The following SEMA3D variants were observed in gnomAD, a reference collection of about 807,000 sequenced individuals.
SEMA3D encodes the protein semaphorin 3D.
Under a neutral mutation model 100.1 loss-of-function variants are expected in SEMA3D, and 84 were observed. The ratio of observed to expected loss-of-function variants is 0.84; its 90% CI spans 0.70 to 1.01. SEMA3D has a LOEUF of 1.01. SEMA3D is among the 50% of genes least tolerant of loss of function. SEMA3D has a pLI of 0.00. For missense variants in SEMA3D, 875 were observed against 934.1 expected (o/e 0.94, Z 0.82); for synonymous variants, 312 against 320.7 (o/e 0.97, Z 0.29).
chr7:85,138,655 A>AATAT (rs57748241), intron 2 of SEMA3D, among the ~76,000 whole-genome samples: 19 of 144,244 alleles, frequency 1.3e-4, no homozygotes, highest in East Asian at 4.0e-4. Flanking sequence ...TATTTAATTT[A>AATAT]ATATATATAT....
chr7:85,228,876 T>C, the SEMA3D span, among the ~76,000 whole-genome samples: 1 of 152,080 alleles, frequency 6.6e-6, no homozygotes, highest in Non-Finnish European at 1.5e-5. Flanking sequence ...TGTCTCTGTC[T>C]TGTGGCCTGT....
At chr7:85,220,785 A>C in the SEMA3D span, among the ~76,000 whole-genome samples, 2 of 152,164 alleles carry the variant, frequency 1.3e-5, no homozygotes, top group Non-Finnish European at 2.9e-5. Context: ...AGAGAAGGAA[A>C]GGAGCTCTCA....
Position 85,042,151 on chromosome 7 carries a change from GAAGGA to G in SEMA3D, c.976+15_976+19del, listed in dbSNP as rs1562794275. The G allele has an allele frequency of 6.7e-7, 1 of 1,500,216 alleles. No homozygotes were observed. The highest frequency in any genetic ancestry group is 2.3e-5 in the East Asian group (1 of 44,354). The allele number at this position is 1,500,216 out of a possible 1,614,324, so 92.9% of individuals were successfully genotyped here. A position where few individuals can be genotyped will look rare whatever the true frequency, so the allele number is the denominator to read the frequency against. ...TAGGCAGTAAGGCCTTTCCAAGAAA[GAAGGA>G]AAGAAGGAACTTACGAAGCTCATCA... On this transcript the variant is annotated intron_variant, in intron 10 of 18. Coordinates refer to ENST00000284136, the MANE Select transcript of SEMA3D (RefSeq NM_001384900.1).
intron 17 of SEMA3D, among the ~76,000 whole-genome samples, chr7:85,010,256 G>C (rs538075422): frequency 6.6e-6 from 1 of 151,786 alleles, no homozygotes; most frequent in African/African-American, 2.4e-5. Context: ...ATATACTAGC[G>C]ATCAGGTCAA....
the SEMA3D span, among the ~76,000 whole-genome samples, chr7:85,200,707 C>A: frequency 3.3e-5 from 5 of 152,176 alleles, no homozygotes. Context: ...ATGTTAATTG[C>A]CCAAACAATG....
At chr7:85,115,375 T>A (rs1339995915) in intron 3 of SEMA3D, among the ~76,000 whole-genome samples, 2 of 152,186 alleles carry the variant, frequency 1.3e-5, no homozygotes, top group Non-Finnish European at 2.9e-5. Flanking sequence ...TAATTCACAC[T>A]CAGTCCTTAT....
intron 4 of SEMA3D, among the ~76,000 whole-genome samples, chr7:85,097,379 C>A (rs1788591868): frequency 6.6e-6 from 1 of 151,598 alleles, no homozygotes; most frequent in Non-Finnish European, 1.5e-5. Flanking sequence ...GTTATTATAG[C>A]CACATTATCA....
intron 12 of SEMA3D, among the ~76,000 whole-genome samples, chr7:85,032,612 G>A (rs2115924079): frequency 6.6e-6 from 1 of 152,118 alleles, no homozygotes; most frequent in Middle Eastern, 3.4e-3. Context: ...CAATTGGATA[G>A]GGTTGATCAA....
In SEMA3D at chr7:85,003,605, A is replaced by G. The variant is rs1014914100; in HGVS notation, c.1908+3197T>C. Among the ~76,000 whole-genome samples, 9 of 137,300 alleles carry G rather than the reference A, an allele frequency of 6.6e-5. 1 individual carries two copies. Among genetic ancestry groups the G allele is most frequent in the African/African-American group, 2.1e-4 (8 of 38,014 alleles). The allele number at this position is 137,300 out of a possible 152,430, so 90.1% of individuals were successfully genotyped here. A position where few individuals can be genotyped will look rare whatever the true frequency, so the allele number is the denominator to read the frequency against. The stretch of plus-strand genomic sequence containing the variant: ...AAACAAAATAAATGTAAAATAAAAT[A>G]AATGTATATGTATAACATTAAATTA... On this transcript the variant is annotated intron_variant, in intron 18 of 18. Coordinates refer to ENST00000284136, the MANE Select transcript of SEMA3D (RefSeq NM_001384900.1).
At chr7:85,218,283 A>G in the SEMA3D span, among the ~76,000 whole-genome samples, 1 of 152,126 alleles carries the variant, frequency 6.6e-6, no homozygotes, top group Non-Finnish European at 1.5e-5. Flanking sequence ...TTCTTAATAT[A>G]TATGTATTTA....
intron 9 of SEMA3D, among the ~76,000 whole-genome samples, chr7:85,046,558 C>T (rs1791013777): frequency 6.6e-6 from 1 of 151,974 alleles, no homozygotes. Context: ...GAAGCAAATA[C>T]AGTTCCTGGG....
At chr7:85,054,228 T>C (rs1791247124) in intron 9 of SEMA3D, among the ~76,000 whole-genome samples, 1 of 152,042 alleles carries the variant, frequency 6.6e-6, no homozygotes, top group Non-Finnish European at 1.5e-5. Flanking sequence ...GCACAAAATA[T>C]ATATTTACTT....
Position 85,148,667 on chromosome 7 carries a change from C to T in SEMA3D, c.-41+4941G>A, listed in dbSNP as rs143182795. On this transcript the variant is annotated intron_variant, in intron 2 of 18. Transcript: ENST00000284136. ...AGAAGATATAGTTATCTTCTCAGTACAATACATCTCACAGGAACTGTTAAA... is the reference window on the plus strand; with the variant it reads ...AGAAGATATAGTTATCTTCTCAGTATAATACATCTCACAGGAACTGTTAAA... 2.0e-5 allele frequency among the ~76,000 whole-genome samples: 3 copies of T among 152,170 alleles called. No individual in the cohort carries two copies. In the East Asian group the frequency reaches 5.8e-4, roughly 29 times the overall value.
At chr7:85,084,562 T>C (rs1788162580) in intron 4 of SEMA3D, among the ~76,000 whole-genome samples, 1 of 152,096 alleles carries the variant, frequency 6.6e-6, no homozygotes, top group South Asian at 2.1e-4. Flanking sequence ...ACCTTGTGCC[T>C]AGGAAAGGTT....
chr7:85,193,881 A>G, the SEMA3D span, among the ~76,000 whole-genome samples: 1 of 152,140 alleles, frequency 6.6e-6, no homozygotes, highest in Non-Finnish European at 1.5e-5. Context: ...AAAGGAAAAA[A>G]AAAAAAACGC....
intron 12 of SEMA3D, among the ~76,000 whole-genome samples, chr7:85,032,387 A>G: frequency 6.6e-6 from 1 of 152,072 alleles, no homozygotes; most frequent in Non-Finnish European, 1.5e-5. Context: ...ATAAGAAACA[A>G]GATGTTGTAA....
chr7:85,048,318 C>A (rs1293152749), intron 9 of SEMA3D, among the ~76,000 whole-genome samples: 1 of 151,694 alleles, frequency 6.6e-6, no homozygotes, highest in Non-Finnish European at 1.5e-5. Context: ...ATTTTAGAAT[C>A]TTTCTTTGAA....
chr7:85,246,505 T>C, the SEMA3D span, among the ~76,000 whole-genome samples: 1 of 151,856 alleles, frequency 6.6e-6, no homozygotes, highest in Non-Finnish European at 1.5e-5. Flanking sequence ...TGGTGAAAAA[T>C]GAATGACACA....
chr7:85,132,356 G>C (rs942892393), intron 2 of SEMA3D, among the ~76,000 whole-genome samples: 30 of 151,820 alleles, frequency 2.0e-4, no homozygotes, highest in African/African-American at 7.0e-4. Flanking sequence ...GATTGAATTA[G>C]GTTTTGGTAG....
Sources: gnomAD v4.1 joint callset for allele counts (sites outside exome capture counted in the v4.1 genomes callset) on GRCh38, gnomAD v4.1.1 for gene constraint, MANE v1.5 for transcripts, NCBI Gene and HGNC (gene_info 2026-07-23, HGNC 2026-07-21) for gene names.